Variants in CFAP54 observed in about 807,000 individuals in gnomAD.
The protein encoded by CFAP54 is cilia and flagella associated protein 54.
Under a neutral mutation model 370.4 loss-of-function variants are expected in CFAP54, and 290 were observed. The ratio of observed to expected loss-of-function variants is 0.78; its 90% CI spans 0.71 to 0.86. The LOEUF is 0.86. Ranked by LOEUF, CFAP54 falls within the 40% of genes least tolerant of loss-of-function variation. The probability of loss-of-function intolerance (pLI) is 0.00; values close to 1 mark genes in which losing one functional copy is unlikely to be tolerated. For missense variants in CFAP54, 3,399 were observed against 3,528.7 expected (o/e 0.96, Z 0.93); for synonymous variants, 1,206 against 1,236.5 (o/e 0.98, Z 0.52).
intron 65 of CFAP54, among the ~76,000 whole-genome samples, chr12:96,824,704 T>C (rs981915522): frequency 6.6e-6 from 1 of 152,102 alleles, no homozygotes; most frequent in African/African-American, 2.4e-5. Flanking sequence ...GCTGGCCCAC[T>C]TCTAGCCGTG....
chr12:96,524,806 A>T (rs1187846579), intron 8 of CFAP54, among the ~76,000 whole-genome samples: 2 of 152,182 alleles, frequency 1.3e-5, no homozygotes, highest in African/African-American at 4.8e-5. Context: ...TGCCATTCAG[A>T]TTTTCATTCA....
At chr12:96,729,052 G>A (rs1957881543) in intron 50 of CFAP54, among the ~76,000 whole-genome samples, 1 of 152,154 alleles carries the variant, frequency 6.6e-6, no homozygotes, top group Admixed American at 6.5e-5. Context: ...TGTCTCAGAG[G>A]AGTACCCGGC....
chr12:96,776,211 T>A (rs1013270772), intron 60 of CFAP54, among the ~76,000 whole-genome samples: 16 of 152,172 alleles, frequency 1.1e-4, no homozygotes, highest in Admixed American at 4.6e-4. Flanking sequence ...GTTAAGAAAT[T>A]AAATTTTTAA....
rs550936266 is a variant in CFAP54, at chr12:96,861,521, G to A, written c.*14+569G>A. 9.8e-5 allele frequency among the ~76,000 whole-genome samples: 15 copies of A among 152,302 alleles called. No homozygotes were observed. In the East Asian group the frequency reaches 2.9e-3, roughly 29 times the overall value. ...TAAATGGCTTGGGAAAAAATCTGTA[G>A]CAAATGAGACCTTCCATATTTTATA... On this transcript the variant is annotated intron_variant, in intron 67 of 67. Transcript: ENST00000524981.
intron 23 of CFAP54, among the ~76,000 whole-genome samples, chr12:96,590,310 A>C (rs1956112611): frequency 1.3e-5 from 2 of 152,184 alleles, no homozygotes; most frequent in African/African-American, 4.8e-5. Flanking sequence ...GGCCAGTAGA[A>C]GCCATATAAA....
intron 8 of CFAP54, 114 bp from the exon 9 acceptor site, chr12:96,527,132 A>G (rs1482984389): frequency 1.1e-6 from 1 of 926,290 alleles, no homozygotes; most frequent in African/African-American, 1.7e-5. Flanking sequence ...CCTTGGGTCA[A>G]GCAATCCTCC....
At chr12:96,855,670 G>C (rs1959682727) in intron 66 of CFAP54, among the ~76,000 whole-genome samples, 1 of 152,238 alleles carries the variant, frequency 6.6e-6, no homozygotes, top group Non-Finnish European at 1.5e-5. Flanking sequence ...GGCCCCCACA[G>C]CCTTGGGCAG....
At chr12:96,743,639 T>G in intron 53 of CFAP54, 80 bp downstream of exon 53, 1 of 1,586,350 alleles carries the variant, frequency 6.3e-7, no homozygotes, top group Non-Finnish European at 8.6e-7. Context: ...CAAATTCCAC[T>G]AGGTACTGAA....
intron 25 of CFAP54, among the ~76,000 whole-genome samples, chr12:96,598,096 C>T (rs1093240): frequency 0.79 from 120,448 of 151,804 alleles, 47,958 homozygotes; most frequent in East Asian, 0.86. Flanking sequence ...CTCACACTAC[C>T]TTTGAAAAGC....
intron 33 of CFAP54, 59 bp from the exon 34 acceptor site, chr12:96,647,816 A>C: frequency 7.3e-7 from 1 of 1,370,406 alleles, no homozygotes. Context: ...ATTGCATTTG[A>C]CAGATTTAAT....
In CFAP54 at chr12:96,792,481, C is replaced by A; in HGVS notation, c.8832C>A (p.Pro2944=). The part of the protein sequence containing the change: ...QWYIPPLDRP[P]KETEPMVLLL... ...ACATTCCTCCCCTGGATAGACCTCC[C>A]AAGGAGACAGAACCTATGGTATGTA... The change falls in exon 63 of 68, where the codon CCC becomes CCA. Residue 2944 remains proline, a synonymous_variant. Coordinates refer to ENST00000524981, the MANE Select transcript of CFAP54 (RefSeq NM_001306084.2). The A allele has an allele frequency of 6.5e-7, 1 of 1,534,958 alleles. No individual in the cohort carries two copies. Among genetic ancestry groups the A allele is most frequent in the South Asian group, 1.2e-5 (1 of 83,904 alleles).
intron 55 of CFAP54, among the ~76,000 whole-genome samples, chr12:96,748,039 A>G (rs1408052611): frequency 6.6e-6 from 1 of 151,912 alleles, no homozygotes; most frequent in African/African-American, 2.4e-5. Context: ...GTGGTTCCCT[A>G]CTGTAATACC....
chr12:96,605,768 C>T (rs1392204663), intron 26 of CFAP54, among the ~76,000 whole-genome samples: 2 of 152,026 alleles, frequency 1.3e-5, no homozygotes, highest in East Asian at 1.9e-4. Context: ...AGGTGATGAA[C>T]GGATGGTGGT....
chr12:96,535,477 A>AT (rs747131477), intron 11 of CFAP54, 38 bp from the exon 12 acceptor site: 231 of 1,343,612 alleles, frequency 1.7e-4, no homozygotes, highest in East Asian at 3.5e-4. Flanking sequence ...TTTGTAAGTG[A>AT]TTTTTTTGTT....
intron 66 of CFAP54, among the ~76,000 whole-genome samples, chr12:96,855,485 G>A (rs911699788): frequency 6.6e-6 from 1 of 152,310 alleles, no homozygotes; most frequent in Admixed American, 6.5e-5. Flanking sequence ...TACAATGGGG[G>A]TACAGACACT....
rs1343181113 is a variant in CFAP54, at chr12:96,744,065, A to G, written c.7603A>G (p.Lys2535Glu). 6.2e-7 allele frequency: 1 copy of G among 1,610,828 alleles called. No homozygotes were observed. Among genetic ancestry groups the G allele is most frequent in the Non-Finnish European group, 8.5e-7 (1 of 1,178,242 alleles). ...AATTGAATTTCGTTCATCAAACACT[A>G]AATATGCAAATCCATTACAGCCTTT... ...ETIEFRSSNT[K>E]YANPLQPLKN... The change falls in exon 55 of 68, where the codon AAA becomes GAA. Residue 2535 changes from lysine to glutamate, a missense_variant. Lys to Glu is a moderately conservative substitution (Grantham distance 56). Around this residue, in one of 3 missense-constraint regions of CFAP54, gnomAD observed 2,796 missense variants for 2,869.7 expected, o/e 0.97. Coordinates refer to ENST00000524981, the MANE Select transcript of CFAP54 (RefSeq NM_001306084.2).
intron 19 of CFAP54, among the ~76,000 whole-genome samples, chr12:96,571,365 C>T (rs1462929101): frequency 6.6e-6 from 1 of 152,090 alleles, no homozygotes; most frequent in African/African-American, 2.4e-5. Context: ...GAAAGAACAC[C>T]TTAGAGCTTA....
intron 2 of CFAP54, among the ~76,000 whole-genome samples, chr12:96,501,598 C>G (rs1955027480): frequency 6.6e-6 from 1 of 152,170 alleles, no homozygotes; most frequent in Admixed American, 6.5e-5. Flanking sequence ...GAGTTTCCCC[C>G]TTAAACTCTG....
intron 67 of CFAP54, among the ~76,000 whole-genome samples, chr12:96,863,765 A>G (rs1959937467): frequency 6.6e-6 from 1 of 151,526 alleles, no homozygotes; most frequent in Non-Finnish European, 1.5e-5. Context: ...TGGGGAAGGC[A>G]GAGCTCTTCC....
Sources: gnomAD v4.1 joint callset for allele counts (sites outside exome capture counted in the v4.1 genomes callset) on GRCh38, gnomAD v4.1.1 for gene constraint, gnomAD v4.1.1 regional missense constraint, MANE v1.5 for transcripts, NCBI Gene and HGNC (gene_info 2026-07-23, HGNC 2026-07-21) for gene names.